ABCA3: variants seen among roughly 807,000 people sequenced by gnomAD.
ABCA3 encodes phospholipid-transporting ATPase ABCA3.
Under a neutral mutation model 172.8 loss-of-function variants are expected in ABCA3, and 88 were observed. That is an observed-to-expected ratio of 0.51 (90% CI 0.43 to 0.61). The LOEUF (loss-of-function observed/expected upper bound fraction) is 0.61. ABCA3 is among the 20% of genes least tolerant of loss of function. The pLI is 0.00. For missense variants in ABCA3, 2,164 were observed against 2,301.0 expected (o/e 0.94, Z 1.22); for synonymous variants, 1,066 against 983.8 (o/e 1.08, Z -1.56).
intron 12 of ABCA3, among the ~76,000 whole-genome samples, chr16:2,303,517 AC>A (rs1365198116): frequency 6.6e-6 from 1 of 151,720 alleles, no homozygotes; most frequent in African/African-American, 2.4e-5. Context: ...TGATCCACCC[AC>A]CTTGGCCTCC....
intron 2 of ABCA3, among the ~76,000 whole-genome samples, 188 bp downstream of exon 2, chr16:2,329,460 C>G (rs2093739668): frequency 6.6e-6 from 1 of 152,188 alleles, no homozygotes; most frequent in Non-Finnish European, 1.5e-5. Context: ...GAATATAAAA[C>G]CGTCACAGTT....
At chr16:2,319,014 G>C (rs182615937) in intron 8 of ABCA3, among the ~76,000 whole-genome samples, 1 of 151,730 alleles carries the variant, frequency 6.6e-6, no homozygotes, top group African/African-American at 2.4e-5. Context: ...ATGCTGCATA[G>C]TTTTATGAAA....
chr16:2,309,390 C>T (rs954043751), intron 10 of ABCA3, among the ~76,000 whole-genome samples: 1 of 152,196 alleles, frequency 6.6e-6, no homozygotes, highest in Non-Finnish European at 1.5e-5. Context: ...TCCCCTCCCA[C>T]GCCTGGAATA....
intron 12 of ABCA3, among the ~76,000 whole-genome samples, chr16:2,301,524 T>A (rs1456924099): frequency 4.0e-5 from 6 of 151,818 alleles, no homozygotes. Flanking sequence ...CTGGCCAACA[T>A]GGCGAAACCC....
intron 1 of ABCA3, chr16:2,332,561 C>G: frequency 8.3e-7 from 1 of 1,204,158 alleles, no homozygotes; most frequent in South Asian, 1.2e-5. Flanking sequence ...ATGTCCACAC[C>G]AGCAAATCGC....
In ABCA3 at chr16:2,289,134, C is replaced by T. The variant is rs1327843361; in HGVS notation, c.2700+300G>A. 1.6e-5 allele frequency: 7 copies of T among 437,240 alleles called. No individual in the cohort carries two copies. The East Asian group carries it at 2.5e-4, about 15-fold the overall frequency. The allele number at this position is 437,240 out of a possible 1,614,324, so 27.1% of individuals were successfully genotyped here. ...CCATCTGTGAACCGAGTGCATCAAC[C>T]AACCTCCGTGTCGTTGGCTGCTAGA... On this transcript the variant is annotated intron_variant, in intron 20 of 32. Coordinates refer to ENST00000301732, the MANE Select transcript of ABCA3 (RefSeq NM_001089.3).
chr16:2,331,268 G>C (rs774441177), intron 1 of ABCA3, among the ~76,000 whole-genome samples: 1 of 151,654 alleles, frequency 6.6e-6, no homozygotes, highest in African/African-American at 2.4e-5. Flanking sequence ...GGCTGGGCAC[G>C]ATCTCGGCTC....
intron 11 of ABCA3, among the ~76,000 whole-genome samples, chr16:2,307,016 C>CAAAAAA (rs201661615): frequency 6.1e-4 from 40 of 65,848 alleles, no homozygotes; most frequent in Non-Finnish European, 7.4e-4. Flanking sequence ...GACTCCGTCT[C>CAAAAAA]AAAAAAAAAA....
intron 9 of ABCA3, 59 bp downstream of exon 9, chr16:2,317,589 C>A: frequency 6.2e-7 from 1 of 1,602,768 alleles, no homozygotes; most frequent in Non-Finnish European, 8.5e-7. Context: ...CAAGAGGGCC[C>A]TCCTGGGGTG....
At chr16:2,315,622 G>A (rs2093714037) in intron 10 of ABCA3, among the ~76,000 whole-genome samples, 1 of 152,132 alleles carries the variant, frequency 6.6e-6, no homozygotes, top group Admixed American at 6.6e-5. Flanking sequence ...CATCAGATAT[G>A]TTGGCAAAGC....
rs1287444070 is a variant in ABCA3 at position 2,287,697 on chromosome 16, T to C, written c.3004+329A>G. On this transcript the variant is annotated intron_variant, in intron 21 of 32. Transcript: ENST00000301732. This position sits in a 1 kb window ranked among gnomAD's most constrained non-coding sequence, Gnocchi z 4.1. ...TCACTATGCTTCTGCATTTTGCCCA[T>C]GAATGATCCTGAAAGACACAGCTTC... 6.6e-6 allele frequency among the ~76,000 whole-genome samples: 1 copy of C among 152,220 alleles called. No homozygotes were observed.
chr16:2,306,451 G>A (rs755287393), intron 11 of ABCA3, among the ~76,000 whole-genome samples: 2 of 152,200 alleles, frequency 1.3e-5, no homozygotes, highest in Non-Finnish European at 2.9e-5. Context: ...GTAGAGAACC[G>A]TTCTAATGAA....
At chr16:2,322,996 A>G (rs1013305731) in intron 7 of ABCA3, among the ~76,000 whole-genome samples, 1 of 152,246 alleles carries the variant, frequency 6.6e-6, no homozygotes, top group African/African-American at 2.4e-5. Context: ...TGGGCAAAGG[A>G]TATGAACAAA....
rs200209913 is a variant in ABCA3 at position 2,284,358 on chromosome 16, G to T, written c.3783C>A (p.Val1261=). Residue 1261 remains valine, a synonymous_variant, in exon 25 of 33, where the codon GTC becomes GTA. Coordinates refer to ENST00000301732, the MANE Select transcript of ABCA3 (RefSeq NM_001089.3). This position sits in a 1 kb window ranked among gnomAD's most constrained non-coding sequence, Gnocchi z 5.9. The part of the protein sequence containing the change: ...VLPNHCLGMA[V]SSFYENYETR... The stretch of plus-strand genomic sequence containing the variant: ...TCTCGTAGTTCTCGTAGAAACTGCT[G>T]ACTGCCATCCCCAGACAGTGGTTGG... The T allele has an allele frequency of 3.7e-6, 6 of 1,614,026 alleles. No individual in the cohort carries two copies. The highest frequency in any genetic ancestry group is 4.2e-6 in the Non-Finnish European group (5 of 1,180,008).
In ABCA3 at chr16:2,285,146, C is replaced by T. The variant is rs2093660938; in HGVS notation, c.3484-148G>A. 1.0e-6 allele frequency: 1 copy of T among 966,230 alleles called. No individual in the cohort carries two copies. The highest frequency in any genetic ancestry group is 1.6e-6 in the Non-Finnish European group (1 of 631,744). The allele number at this position is 966,230 out of a possible 1,614,324, so 59.9% of individuals were successfully genotyped here. A position where few individuals can be genotyped will look rare whatever the true frequency, so the allele number is the denominator to read the frequency against. ...TCAGCCCCACAGGCCACGTCTGGCCCCCGCGGTGGCTTTCAGCCCCAGGAC... is the reference window on the plus strand; with the variant it reads ...TCAGCCCCACAGGCCACGTCTGGCCTCCGCGGTGGCTTTCAGCCCCAGGAC... On this transcript the variant is annotated intron_variant, in intron 23 of 32. Coordinates refer to ENST00000301732, the MANE Select transcript of ABCA3 (RefSeq NM_001089.3). The surrounding 1 kb of genome is among the most constrained non-coding windows in gnomAD (Gnocchi z 4.7).
chr16:2,311,252 G>C (rs977236407), intron 10 of ABCA3, among the ~76,000 whole-genome samples: 3 of 152,110 alleles, frequency 2.0e-5, no homozygotes, highest in African/African-American at 7.2e-5. Context: ...AATTACAGGC[G>C]TGAGCCACCG....
Position 2,308,442 on chromosome 16 carries a change from A to G in ABCA3, c.1285+8T>C. The G allele has an allele frequency of 6.2e-7, 1 of 1,614,098 alleles. No individual in the cohort carries two copies. The highest frequency in any genetic ancestry group is 2.2e-5 in the East Asian group (1 of 44,878). On this transcript the variant is annotated splice_region_variant and intron_variant, in intron 11 of 32. Coordinates refer to ENST00000301732, the MANE Select transcript of ABCA3 (RefSeq NM_001089.3). ...GGAAAGAACAGGCTGGACAAGGCAA[A>G]CACTCACCTTTCGCCTCAAATTTCC...
At chr16:2,300,998 A>G (rs1208651419) in intron 12 of ABCA3, among the ~76,000 whole-genome samples, 1 of 150,070 alleles carries the variant, frequency 6.7e-6, no homozygotes, top group Non-Finnish European at 1.5e-5. Flanking sequence ...TGGGAGGCCG[A>G]GGCGGGCGGA....
At chr16:2,289,707 C>A in intron 19 of ABCA3, 87 bp from the exon 20 acceptor site, 1 of 1,430,286 alleles carries the variant, frequency 7.0e-7, no homozygotes, top group Non-Finnish European at 9.5e-7. Flanking sequence ...CTGAGGGGAG[C>A]AGTGTTGCCG....
Sources: allele counts gnomAD v4.1 joint callset (sites outside exome capture counted in the v4.1 genomes callset), GRCh38; gene constraint gnomAD v4.1.1; non-coding constraint Gnocchi (gnomAD v3.1); transcripts MANE v1.5; gene names NCBI Gene and HGNC (gene_info 2026-07-23, HGNC 2026-07-21).